PKD1L3: variants seen among roughly 807,000 people sequenced by gnomAD.
PKD1L3 encodes the protein polycystin 1 like 3, transient receptor potential channel interacting.
PKD1L3 carries 239 observed loss-of-function variants against 184.1 expected under a neutral mutation model. The ratio of observed to expected loss-of-function variants is 1.30; its 90% CI spans 1.17 to 1.45. The LOEUF (loss-of-function observed/expected upper bound fraction) is 1.45. Ranked by LOEUF, PKD1L3 falls within the 40% of genes most tolerant of loss-of-function variation. PKD1L3 has a pLI of 0.00. For synonymous variants in PKD1L3, 996 were observed against 778.8 expected, an observed-to-expected ratio of 1.28 and a Z score of -4.64; for missense variants, 2,660 against 2,067.2, an observed-to-expected ratio of 1.29 and a Z score of -5.56.
At chr16:71,940,127 T>TAC (rs888577893) in intron 24 of PKD1L3, among the ~76,000 whole-genome samples, 6 of 151,624 alleles carry the variant, frequency 4.0e-5, no homozygotes, top group Admixed American at 3.9e-4. Context: ...TCAATATATA[T>TAC]ATAAACAACA....
In PKD1L3 at chr16:71,982,019, C is replaced by T. The variant is rs1367281186; in HGVS notation, c.1143+40G>A. On this transcript the variant is annotated intron_variant, in intron 7 of 29. Transcript: ENST00000620267. ...ACCTGGACCTGTCAAGATTAAAATG[C>T]TTCTAAGCAGATCTGGCCACCTGCA... The T allele has an allele frequency of 4.0e-6, 6 of 1,487,778 alleles. No individual in the cohort carries two copies. In the East Asian group the frequency reaches 9.9e-5, roughly 25 times the overall value. 92.2% of individuals were successfully genotyped at this position (1,487,778 alleles called of 1,614,324 possible). A position where few individuals can be genotyped will look rare whatever the true frequency, so the allele number is the denominator to read the frequency against.
chr16:71,948,498 G>A (rs1228400023), intron 21 of PKD1L3, among the ~76,000 whole-genome samples: 1 of 152,096 alleles, frequency 6.6e-6, no homozygotes, highest in African/African-American at 2.4e-5. Context: ...TAGGATTACA[G>A]GCATGAGCCA....
At chr16:71,947,142 C>T (rs2038647860) in intron 22 of PKD1L3, among the ~76,000 whole-genome samples, 1 of 152,032 alleles carries the variant, frequency 6.6e-6, no homozygotes, top group Non-Finnish European at 1.5e-5. Flanking sequence ...CCTGTAATCC[C>T]AGCTACTCGG....
At chr16:71,990,641 G>C (rs1034727939) in intron 3 of PKD1L3, among the ~76,000 whole-genome samples, 2 of 152,078 alleles carry the variant, frequency 1.3e-5, no homozygotes, top group Non-Finnish European at 2.9e-5. Context: ...GGCTGAGGCA[G>C]GACAATTGTT....
Position 71,930,135 on chromosome 16 carries a change from C to T in PKD1L3, c.4975G>A (p.Val1659Ile), listed in dbSNP as rs2037882546. 6.4e-7 allele frequency: 1 copy of T among 1,551,452 alleles called. No individual in the cohort carries two copies. ...VLGTFLILTS[V>I]ILMVLVVINL... The stretch of plus-strand genomic sequence containing the variant: ...ATTACCACAAGTACCATCAAGATGA[C>T]ACTGGTGAGGATCAGAAAGGTGCCC... Residue 1659 changes from valine (V) to isoleucine (I), a missense_variant, in exon 29 of 30, where the codon GTC (valine) becomes ATC (isoleucine). Physicochemically the swap from Val to Ile is conservative, Grantham distance 29. Coordinates refer to ENST00000620267, the MANE Select transcript of PKD1L3 (RefSeq NM_181536.2).
At chr16:71,973,183 C>T (rs2039783079) in intron 12 of PKD1L3, 141 bp downstream of exon 12, 1 of 1,016,444 alleles carries the variant, frequency 9.8e-7, no homozygotes, top group African/African-American at 1.6e-5. Flanking sequence ...CAACCCTCCT[C>T]CCTCCTTTTG....
chr16:71,936,508 CT>C (rs1212505095), intron 25 of PKD1L3, among the ~76,000 whole-genome samples: 93 of 135,614 alleles, frequency 6.9e-4, no homozygotes, highest in East Asian at 3.3e-3. Flanking sequence ...TGGCCAATCA[CT>C]TTTTTTTTTC....
rs897682768 is a variant in PKD1L3, at chr16:71,959,395, A to C, written c.2612+3810T>G. Among the ~76,000 whole-genome samples, 9 of 152,292 alleles carry C rather than the reference A, an allele frequency of 5.9e-5. No individual in the cohort carries two copies. In the East Asian group the frequency reaches 1.7e-3, roughly 29 times the overall value. Reference sequence around the variant, plus strand: ...ATTGTACTCCAGCCTGGGCAACAAGAGCAAAAATCCGTCTCAAAAACCAAC... The same window carrying C: ...ATTGTACTCCAGCCTGGGCAACAAGCGCAAAAATCCGTCTCAAAAACCAAC... On this transcript the variant is annotated intron_variant, in intron 16 of 29. Coordinates refer to ENST00000620267, the MANE Select transcript of PKD1L3 (RefSeq NM_181536.2).
chr16:71,993,470 T>G, intron 2 of PKD1L3, 138 bp from the exon 3 acceptor site: 1 of 601,202 alleles, frequency 1.7e-6, no homozygotes. Flanking sequence ...TTAAGGACAC[T>G]AAGAATTCTG....
chr16:71,967,303 G>T lies in PKD1L3; in HGVS notation c.2299C>A (p.Leu767Ile), dbSNP rs1160596445. Residue 767 changes from leucine to isoleucine, a missense_variant, in exon 15 of 30, where the codon CTC becomes ATC. By Grantham distance (5) the Leu-to-Ile change is conservative (BLOSUM62 2). Transcript: ENST00000620267. ...AATTAKVVIT[L>I]YGSEGRSEPH... is the part of the protein sequence containing the mutation. ...TCACTCCGTCCCTCTGATCCATAGA[G>T]GGTGATGACAACCTACAATGAGACA... 6.4e-7 allele frequency: 1 copy of T among 1,550,654 alleles called. No individual in the cohort carries two copies. Among genetic ancestry groups the T allele is most frequent in the Non-Finnish European group, 8.7e-7 (1 of 1,146,646 alleles).
At chr16:71,985,373 G>A (rs543115130) in intron 5 of PKD1L3, among the ~76,000 whole-genome samples, 18 of 152,216 alleles carry the variant, frequency 1.2e-4, no homozygotes, top group African/African-American at 4.3e-4. Flanking sequence ...GGAAAAAAAA[G>A]CATGAGGGAA....
rs2040244134 is a variant in PKD1L3 at position 71,983,659 on chromosome 16, C to CTCTTT, written c.966+376_966+377insAAAGA. 6.5e-5 allele frequency among the ~76,000 whole-genome samples: 6 copies of CTCTTT among 92,396 alleles called. No individual in the cohort carries two copies. In the South Asian group the frequency reaches 1.7e-3, roughly 26 times the overall value. The allele number at this position is 92,396 out of a possible 152,430, so 60.6% of individuals were successfully genotyped here. A position where few individuals can be genotyped will look rare whatever the true frequency, so the allele number is the denominator to read the frequency against. On this transcript the variant is annotated intron_variant, in intron 6 of 29. Transcript: ENST00000620267. ...GCATAAGGCACAATCTCCAGATTCT[C>CTCTTT]TTTCTTTTTTTTTTTTTTTTTTTTT...
intron 3 of PKD1L3, among the ~76,000 whole-genome samples, chr16:71,990,637 G>A (rs543308979): frequency 1.3e-5 from 2 of 152,100 alleles, no homozygotes; most frequent in African/African-American, 2.4e-5. Context: ...GGGAGGCTGA[G>A]GCAGGACAAT....
At chr16:71,980,585 A>G (rs6499555) in intron 7 of PKD1L3, among the ~76,000 whole-genome samples, 145,803 of 152,268 alleles carry the variant, frequency 0.96, 69,858 homozygotes, top group East Asian at 1. Flanking sequence ...TGTAATCCCA[A>G]CACTTTGGGA....
In PKD1L3 at chr16:71,935,358, C is replaced by T; in HGVS notation, c.4613G>A (p.Arg1538Lys). Residue 1538 changes from arginine to lysine, a missense_variant and splice_region_variant, in exon 26 of 30, where the codon AGA (arginine) becomes AAA (lysine). Physicochemically the swap from Arg to Lys is conservative, Grantham distance 26. Transcript: ENST00000620267. ...CTGTGCCCCTCAGGCTTCCTCTCACCTGTCCTGGTCATCGCGGTATCGTGC... is the reference window on the plus strand; with the variant it reads ...CTGTGCCCCTCAGGCTTCCTCTCACTTGTCCTGGTCATCGCGGTATCGTGC... ...NMARYRDDQD[R>K]FISFYEAVKV... The T allele has an allele frequency of 1.9e-6, 3 of 1,551,082 alleles. No homozygotes were observed. The highest frequency in any genetic ancestry group is 2.6e-6 in the Non-Finnish European group (3 of 1,146,698).
At position 71,929,948 on chromosome 16, in the gene PKD1L3, A is replaced by C. The variant is rs1280398606; in HGVS notation, c.5058+104T>G. 1.8e-5 allele frequency: 24 copies of C among 1,317,420 alleles called. No individual in the cohort carries two copies. In the East Asian group the frequency reaches 5.8e-4, roughly 32 times the overall value. 81.6% of individuals were successfully genotyped at this position (1,317,420 alleles called of 1,614,324 possible). A position where few individuals can be genotyped will look rare whatever the true frequency, so the allele number is the denominator to read the frequency against. On this transcript the variant is annotated intron_variant, in intron 29 of 29. Coordinates refer to ENST00000620267, the MANE Select transcript of PKD1L3 (RefSeq NM_181536.2). Reference sequence around the variant, plus strand: ...TTTTGAAACTAATAAAGGGAATATGATACTGTGCATTATAAATTATGTCAG... The same window carrying C: ...TTTTGAAACTAATAAAGGGAATATGCTACTGTGCATTATAAATTATGTCAG...
intron 24 of PKD1L3, among the ~76,000 whole-genome samples, chr16:71,939,371 G>A (rs1222568888): frequency 1.3e-5 from 2 of 152,194 alleles, no homozygotes; most frequent in African/African-American, 2.4e-5. Context: ...TCGGCAGAAC[G>A]AGCACAGTGG....
chr16:71,985,541 C>T (rs893101355), intron 5 of PKD1L3, among the ~76,000 whole-genome samples: 1 of 152,182 alleles, frequency 6.6e-6, no homozygotes, highest in African/African-American at 2.4e-5. Flanking sequence ...ACCTCAGCCC[C>T]TGCCCCGCCA....
At chr16:71,943,926 G>T in intron 23 of PKD1L3, 104 bp downstream of exon 23, 1 of 1,328,824 alleles carries the variant, frequency 7.5e-7, no homozygotes, top group Non-Finnish European at 1.0e-6. Context: ...GATTTTAAAA[G>T]ACAGCTTTTT....
Sources: gnomAD v4.1 joint callset for allele counts (sites outside exome capture counted in the v4.1 genomes callset) on GRCh38, gnomAD v4.1.1 for gene constraint, MANE v1.5 for transcripts, NCBI Gene and HGNC (gene_info 2026-07-23, HGNC 2026-07-21) for gene names.